The following HLA-DQA1 variants were observed in gnomAD, a reference collection of about 807,000 sequenced individuals.
HLA-DQA1 encodes major histocompatibility complex, class II, DQ alpha 1.
Under a neutral mutation model 20.7 loss-of-function variants are expected in HLA-DQA1, and 10 were observed. The observed-to-expected ratio is 0.48, with a 90% CI of 0.30 to 0.82. HLA-DQA1 has a LOEUF of 0.82. Among genes scored for constraint, HLA-DQA1 ranks in the 40% least tolerant of loss-of-function variants. The pLI, the probability that HLA-DQA1 is intolerant of heterozygous loss-of-function variation, is 0.07. For synonymous variants in HLA-DQA1, 39 were observed against 109.2 expected, an observed-to-expected ratio of 0.36 and a Z score of 4.01; for missense variants, 127 against 293.0, an observed-to-expected ratio of 0.43 and a Z score of 4.14.
At chr6:32,640,741 A>G (rs1258089222) in intron 1 of HLA-DQA1, among the ~76,000 whole-genome samples, 1 of 98,996 alleles carries the variant, frequency 1.0e-5, no homozygotes, top group Non-Finnish European at 2.2e-5. Context: ...ATCTTGTTAT[A>G]CTCTTTCTTA....
Position 32,643,261 on chromosome 6 carries a change from A to C in HLA-DQA1, c.*330A>C, listed in dbSNP as rs1781622731. Reference sequence around the variant, plus strand: ...GGAAGCAATAAATTCCTTTTATGAGATCTATGTCAAATTTTTCCATCTTTC... The same window carrying C: ...GGAAGCAATAAATTCCTTTTATGAGCTCTATGTCAAATTTTTCCATCTTTC... On this transcript the variant is annotated 3_prime_UTR_variant, in exon 5 of 5. Transcript: ENST00000343139. 3.1e-6 allele frequency: 1 copy of C among 318,430 alleles called. No individual in the cohort carries two copies. The highest frequency in any genetic ancestry group is 6.2e-6 in the Non-Finnish European group (1 of 162,072). The allele number at this position is 318,430 out of a possible 1,614,324, so 19.7% of individuals were successfully genotyped here. A position where few individuals can be genotyped will look rare whatever the true frequency, so the allele number is the denominator to read the frequency against.
the HLA-DQA1 span, among the ~76,000 whole-genome samples, chr6:32,653,963 A>G: frequency 0.15 from 10,099 of 68,822 alleles, 1,677 homozygotes; most frequent in East Asian, 0.19. Context: ...AGGTGGGGAA[A>G]TGGGGGTAGT....
downstream of HLA-DQA1, among the ~76,000 whole-genome samples, chr6:32,649,154 C>T (rs1300697753): frequency 2.1e-5 from 2 of 96,674 alleles, 1 homozygote; most frequent in African/African-American, 7.1e-5. Context: ...AACAGAAGAA[C>T]ATTCAATGCT....
the HLA-DQA1 span, among the ~76,000 whole-genome samples, chr6:32,653,281 G>T: frequency 7.1e-4 from 34 of 47,962 alleles, 14 homozygotes; most frequent in African/African-American, 2.2e-3. Context: ...TGTTGTTGTT[G>T]TTGTTTGAGA....
downstream of HLA-DQA1, among the ~76,000 whole-genome samples, chr6:32,648,762 T>C (rs1259744061): frequency 1.0e-5 from 1 of 96,384 alleles, no homozygotes; most frequent in African/African-American, 3.6e-5. Flanking sequence ...ATTCAACATA[T>C]TATTGGAAGT....
At chr6:32,653,540 C>T in the HLA-DQA1 span, among the ~76,000 whole-genome samples, 2 of 90,730 alleles carry the variant, frequency 2.2e-5, 1 homozygote, top group South Asian at 7.0e-4. Context: ...GGATTACAGG[C>T]GTGAACCACT....
rs1279658940 is a variant in HLA-DQA1, at chr6:32,638,500, C to T, written c.82+960C>T. On this transcript the variant is annotated intron_variant, in intron 1 of 4. Coordinates refer to ENST00000343139, the MANE Select transcript of HLA-DQA1 (RefSeq NM_002122.5). ...CAGCCTGGGCAACATAGCAAGACCT[C>T]ATCTCTACAAAAAAAGAAAAATAAA... Among the ~76,000 whole-genome samples, 7 of 95,802 alleles carry T rather than the reference C, an allele frequency of 7.3e-5. 1 individual carries two copies. The highest frequency in any genetic ancestry group is 1.6e-4 in the Non-Finnish European group (7 of 43,232). 62.8% of individuals were successfully genotyped at this position (95,802 alleles called of 152,430 possible).
At position 32,640,819 on chromosome 6, in the gene HLA-DQA1, A is replaced by ATTTT. The variant is rs1262934935; in HGVS notation, c.83-491_83-490insTTTT. ...TCCTGCATGCTTTTCCTTTAAAAAA[A>ATTTT]AAAAAAAGAAAGATCTCTGTGTAGA... On this transcript the variant is annotated intron_variant, in intron 1 of 4. Transcript: ENST00000343139. 2.8e-3 allele frequency among the ~76,000 whole-genome samples: 262 copies of ATTTT among 94,376 alleles called. 6 individuals carry two copies. In the East Asian group the frequency reaches 0.03, roughly 11 times the overall value. 61.9% of individuals were successfully genotyped at this position (94,376 alleles called of 152,430 possible). A position where few individuals can be genotyped will look rare whatever the true frequency, so the allele number is the denominator to read the frequency against.
chr6:32,639,183 A>AT, intron 1 of HLA-DQA1: 1 of 191,948 alleles, frequency 5.2e-6, no homozygotes, highest in Non-Finnish European at 1.1e-5. Flanking sequence ...CATTAGGCAC[A>AT]ATGTGGGCAG....
chr6:32,646,876 G>GAGAGAA, downstream of HLA-DQA1: 1 of 70,910 alleles, frequency 1.4e-5, no homozygotes, highest in East Asian at 4.9e-4. Context: ...AAGAGAGAGA[G>GAGAGAA]AGAAGAGAAG....
At chr6:32,650,523 T>A (rs1311996530), downstream of HLA-DQA1, among the ~76,000 whole-genome samples, 1 of 95,072 alleles carries the variant, frequency 1.1e-5, no homozygotes. Context: ...TGCAGCCATA[T>A]AAAAGGATGA....
At chr6:32,652,772 C>T in the HLA-DQA1 span, among the ~76,000 whole-genome samples, 1 of 149,178 alleles carries the variant, frequency 6.7e-6, no homozygotes. Context: ...AGGAAAGAGA[C>T]ATTGCCCATA....
chr6:32,653,108 A>T, the HLA-DQA1 span, among the ~76,000 whole-genome samples: 68,956 of 127,340 alleles, frequency 0.54, 19,976 homozygotes, highest in Middle Eastern at 0.68. Flanking sequence ...AGCTAAGGGC[A>T]GTCAGCCAGC....
the HLA-DQA1 span, among the ~76,000 whole-genome samples, chr6:32,653,557 G>A: frequency 2.4e-5 from 2 of 82,140 alleles, 1 homozygote; most frequent in African/African-American, 8.2e-5. Flanking sequence ...CACTGTGGCC[G>A]GCCCAGATAA....
chr6:32,642,699 G>A lies in HLA-DQA1; in HGVS notation c.703G>A (p.Gly235Ser), dbSNP rs772030388. 1 of 1,204,330 alleles carries A rather than the reference G, an allele frequency of 8.3e-7. No individual in the cohort carries two copies. The highest frequency in any genetic ancestry group is 1.2e-6 in the Non-Finnish European group (1 of 858,658). The allele number at this position is 1,204,330 out of a possible 1,614,324, so 74.6% of individuals were successfully genotyped here. A position where few individuals can be genotyped will look rare whatever the true frequency, so the allele number is the denominator to read the frequency against. ...LSVGLMGIVVGTVFIIQGLRS... is the reference protein window; with the variant it reads ...LSVGLMGIVVSTVFIIQGLRS... ...TGTGGGCCTCATGGGCATTGTGGTG[G>A]GCACTGTCTTCATCATCCAAGGCCT... The change falls in exon 4 of 5, where the codon GGC becomes AGC. Residue 235 changes from glycine to serine, a missense_variant. Physicochemically the swap from Gly to Ser is moderately conservative, Grantham distance 56 (BLOSUM62 0). This residue lies in a region of HLA-DQA1 where 46 missense variants were observed against 152.1 expected (regional missense o/e 0.30). Transcript: ENST00000343139.
At chr6:32,652,460 C>A in the HLA-DQA1 span, among the ~76,000 whole-genome samples, 9,239 of 149,064 alleles carry the variant, frequency 0.062, 1,140 homozygotes, top group East Asian at 0.1. Flanking sequence ...GGTAAAGAAT[C>A]CAGGAAACTG....
At chr6:32,643,935 T>C (rs1781694537), downstream of HLA-DQA1, 1 of 151,192 alleles carries the variant, frequency 6.6e-6, no homozygotes, top group South Asian at 2.1e-4. Context: ...CCTCACCTCC[T>C]GAATGAAGCT....
chr6:32,638,881 C>T, intron 1 of HLA-DQA1: 1 of 303,772 alleles, frequency 3.3e-6, no homozygotes, highest in Non-Finnish European at 6.5e-6. Flanking sequence ...CACCTCTCTT[C>T]ATGCATCCCT....
chr6:32,650,771 G>A (rs1195172750), downstream of HLA-DQA1, among the ~76,000 whole-genome samples: 10 of 90,816 alleles, frequency 1.1e-4, 3 homozygotes, highest in Non-Finnish European at 2.4e-5. Context: ...GATGGGTGCA[G>A]CAAACCAATA....
Sources: allele counts gnomAD v4.1 joint callset (sites outside exome capture counted in the v4.1 genomes callset), GRCh38; gene constraint gnomAD v4.1.1; regional missense constraint gnomAD v4.1.1; transcripts MANE v1.5; gene names NCBI Gene and HGNC (gene_info 2026-07-23, HGNC 2026-07-21).